OTUD7A: variants seen among roughly 807,000 people sequenced by gnomAD.
The protein encoded by OTUD7A is OTU deubiquitinase 7A, also known as OTU domain-containing protein 7A.
OTUD7A carries 12 observed loss-of-function variants against 65.7 expected under a neutral mutation model. That is an observed-to-expected ratio of 0.18 (90% CI 0.12 to 0.30). OTUD7A has a LOEUF of 0.30. Ranked by LOEUF, OTUD7A falls within the 10% of genes least tolerant of loss-of-function variation. The probability of loss-of-function intolerance (pLI) is 1.00; values close to 1 mark genes in which losing one functional copy is unlikely to be tolerated. For synonymous variants in OTUD7A, 641 were observed against 586.3 expected, an observed-to-expected ratio of 1.09 and a Z score of -1.35; for missense variants, 1,148 against 1,304.8, an observed-to-expected ratio of 0.88 and a Z score of 1.85.
At chr15:31,500,945 C>T (rs547554365) in intron 10 of OTUD7A, among the ~76,000 whole-genome samples, 29 of 152,378 alleles carry the variant, frequency 1.9e-4, no homozygotes, top group African/African-American at 6.7e-4. Context: ...CAGTAGCTAA[C>T]ATGAGAAAAC....
At chr15:31,851,145 T>A (rs969798852) in intron 1 of OTUD7A, among the ~76,000 whole-genome samples, 1 of 152,166 alleles carries the variant, frequency 6.6e-6, no homozygotes, top group South Asian at 2.1e-4. Flanking sequence ...TGTAAATGAG[T>A]ACTATAATCA....
intron 1 of OTUD7A, among the ~76,000 whole-genome samples, chr15:31,714,124 C>T (rs1893521083): frequency 6.8e-6 from 1 of 146,834 alleles, no homozygotes; most frequent in Admixed American, 6.9e-5. Context: ...TTTCAGCACT[C>T]GGTACCTACA....
At chr15:31,566,831 A>G (rs1888891867) in intron 4 of OTUD7A, among the ~76,000 whole-genome samples, 1 of 152,012 alleles carries the variant, frequency 6.6e-6, no homozygotes, top group Admixed American at 6.6e-5. Flanking sequence ...CCTCTTTGGG[A>G]TTTTAAGCTT....
chr15:31,508,643 C>T (rs940155807), intron 8 of OTUD7A, among the ~76,000 whole-genome samples: 7 of 152,250 alleles, frequency 4.6e-5, no homozygotes, highest in Non-Finnish European at 7.3e-5. Flanking sequence ...TGAGGCACTG[C>T]GCCAGGCAAG....
intron 1 of OTUD7A, among the ~76,000 whole-genome samples, chr15:31,735,387 G>A (rs1453906582): frequency 1.3e-5 from 2 of 152,160 alleles, no homozygotes; most frequent in African/African-American, 4.8e-5. Context: ...AATTAGTTGG[G>A]TGTGGTGGCA....
chr15:31,724,664 C>T lies in OTUD7A; in HGVS notation c.-99-67587G>A, dbSNP rs369532266. 3.3e-5 allele frequency among the ~76,000 whole-genome samples: 5 copies of T among 152,278 alleles called. No individual in the cohort carries two copies. In the East Asian group the frequency reaches 5.8e-4, roughly 18 times the overall value. On this transcript the variant is annotated intron_variant, in intron 1 of 12. Transcript: ENST00000307050. ...GAGCCATGCAGTTGCTCTCACACAC[C>T]TGAGATCGCATCTTTCACAGTCAGA...
At chr15:31,765,858 T>C in intron 1 of OTUD7A, 2 of 1,297,978 alleles carry the variant, frequency 1.5e-6, no homozygotes, top group South Asian at 2.4e-5. Context: ...TCTTTTCTGA[T>C]ATATCAAAGG....
intron 4 of OTUD7A, among the ~76,000 whole-genome samples, chr15:31,560,754 C>T (rs1158723207): frequency 2.0e-5 from 3 of 152,182 alleles, no homozygotes; most frequent in Non-Finnish European, 4.4e-5. Flanking sequence ...TCCCTGAGGT[C>T]CCAAGGAATC....
chr15:31,507,970 T>TA (rs1371752386), intron 8 of OTUD7A, among the ~76,000 whole-genome samples: 1 of 152,148 alleles, frequency 6.6e-6, no homozygotes, highest in Non-Finnish European at 1.5e-5. Flanking sequence ...GTAATTGTGT[T>TA]AATTAGAGGG....
chr15:31,667,432 T>C (rs1291992280), intron 1 of OTUD7A, among the ~76,000 whole-genome samples: 1 of 152,230 alleles, frequency 6.6e-6, no homozygotes, highest in East Asian at 1.9e-4. Flanking sequence ...TTTTGCCTGA[T>C]ATAAGAATAG....
chr15:31,499,696 T>C (rs1199222058), intron 10 of OTUD7A, among the ~76,000 whole-genome samples: 2 of 152,196 alleles, frequency 1.3e-5, no homozygotes, highest in African/African-American at 2.4e-5. Flanking sequence ...TATGGGTGAA[T>C]GTGCAGCCTG....
At chr15:31,617,209 C>T (rs190464246) in intron 3 of OTUD7A, among the ~76,000 whole-genome samples, 1 of 152,180 alleles carries the variant, frequency 6.6e-6, no homozygotes, top group African/African-American at 2.4e-5. Flanking sequence ...GATAACTTGG[C>T]CGGGTGCAGT....
intron 1 of OTUD7A, among the ~76,000 whole-genome samples, chr15:31,690,259 A>G (rs189591399): frequency 6.6e-6 from 1 of 152,326 alleles, no homozygotes; most frequent in African/African-American, 2.4e-5. Context: ...CTTCAGTTCT[A>G]TATTATTACT....
chr15:31,692,915 C>T (rs141775367), intron 1 of OTUD7A, among the ~76,000 whole-genome samples: 1,764 of 150,554 alleles, frequency 0.012, 6 homozygotes, highest in Non-Finnish European at 0.015. Context: ...ACTAACAACC[C>T]TCACACACTT....
chr15:31,544,762 TAGAAA>T (rs1888081811), intron 5 of OTUD7A, among the ~76,000 whole-genome samples: 1 of 151,878 alleles, frequency 6.6e-6, no homozygotes, highest in Non-Finnish European at 1.5e-5. Context: ...TAGTGAAGAA[TAGAAA>T]AGATCTGAGC....
At chr15:31,532,640 C>T (rs1034335479) in intron 5 of OTUD7A, among the ~76,000 whole-genome samples, 1 of 151,928 alleles carries the variant, frequency 6.6e-6, no homozygotes, top group Non-Finnish European at 1.5e-5. Context: ...AAAAAGTATT[C>T]GAAGAGGCCA....
chr15:31,821,917 A>G (rs1896692955), intron 1 of OTUD7A, among the ~76,000 whole-genome samples: 1 of 152,152 alleles, frequency 6.6e-6, no homozygotes, highest in Non-Finnish European at 1.5e-5. Context: ...TCAACTTTGG[A>G]GAAAGGTCTG....
chr15:31,610,613 A>ATTT (rs1228282525), intron 3 of OTUD7A, among the ~76,000 whole-genome samples: 381 of 31,540 alleles, frequency 0.012, 7 homozygotes, highest in African/African-American at 0.049. Context: ...ATATATATAT[A>ATTT]TATATTTTTT....
intron 1 of OTUD7A, among the ~76,000 whole-genome samples, chr15:31,764,979 A>T (rs1488387921): frequency 1.3e-5 from 2 of 152,166 alleles, no homozygotes; most frequent in Non-Finnish European, 2.9e-5. Flanking sequence ...CTTATGGAAG[A>T]GATTATATGT....
Sources: allele counts gnomAD v4.1 joint callset (sites outside exome capture counted in the v4.1 genomes callset), GRCh38; gene constraint gnomAD v4.1.1; transcripts MANE v1.5; gene names NCBI Gene and HGNC (gene_info 2026-07-23, HGNC 2026-07-21).